LRRC4C: variants seen among roughly 807,000 people sequenced by gnomAD.
LRRC4C encodes the protein leucine rich repeat containing 4C.
Under a neutral mutation model 33.6 loss-of-function variants are expected in LRRC4C, and 5 were observed. That is an observed-to-expected ratio of 0.15 (90% CI 0.08 to 0.31). LRRC4C has a LOEUF of 0.31. LRRC4C is among the 10% of genes least tolerant of loss of function. The pLI, the probability that LRRC4C is intolerant of heterozygous loss-of-function variation, is 1.00. For missense variants in LRRC4C, 560 were observed against 796.7 expected, an observed-to-expected ratio of 0.70 and a Z score of 3.58; for synonymous variants, 329 against 302.0, an observed-to-expected ratio of 1.09 and a Z score of -0.93.
intron 1 of LRRC4C, among the ~76,000 whole-genome samples, chr11:41,407,512 G>A (rs1454588475): frequency 6.6e-6 from 1 of 151,978 alleles, no homozygotes; most frequent in Non-Finnish European, 1.5e-5. Context: ...ATGTTGCCTA[G>A]GCTGATCTTG....
chr11:41,258,118 C>A (rs1198022308), intron 1 of LRRC4C, among the ~76,000 whole-genome samples: 1 of 151,958 alleles, frequency 6.6e-6, no homozygotes, highest in Non-Finnish European at 1.5e-5. Flanking sequence ...GATTTCAACA[C>A]ATGGTGCTGA....
At chr11:40,536,319 A>G (rs7128175) in intron 3 of LRRC4C, among the ~76,000 whole-genome samples, 13,296 of 151,948 alleles carry the variant, frequency 0.088, 1,635 homozygotes, top group African/African-American at 0.28. Flanking sequence ...TCAGCCTCCC[A>G]AGTAGCTGGG....
At chr11:40,782,751 T>G (rs1293404106) in intron 2 of LRRC4C, among the ~76,000 whole-genome samples, 1 of 152,182 alleles carries the variant, frequency 6.6e-6, no homozygotes, top group Non-Finnish European at 1.5e-5. Context: ...TCATGAGATA[T>G]TACTCAAAAT....
At chr11:41,352,024 C>G (rs1337459160) in intron 1 of LRRC4C, among the ~76,000 whole-genome samples, 2 of 152,146 alleles carry the variant, frequency 1.3e-5, no homozygotes, top group East Asian at 3.9e-4. Context: ...TCCTCAGATA[C>G]CCACAATAAC....
At chr11:40,406,576 A>G (rs1002339702) in intron 3 of LRRC4C, among the ~76,000 whole-genome samples, 1 of 152,190 alleles carries the variant, frequency 6.6e-6, no homozygotes, top group Non-Finnish European at 1.5e-5. Flanking sequence ...AATACATTTT[A>G]AAAACAAATA....
intron 1 of LRRC4C, among the ~76,000 whole-genome samples, chr11:41,348,918 G>A (rs999208110): frequency 2.0e-5 from 3 of 152,188 alleles, no homozygotes; most frequent in African/African-American, 7.2e-5. Flanking sequence ...TCCAGTCTGC[G>A]TGGAGCCCAG....
chr11:40,365,373 C>T (rs1948161003), intron 3 of LRRC4C, among the ~76,000 whole-genome samples: 1 of 152,018 alleles, frequency 6.6e-6, no homozygotes, highest in Middle Eastern at 3.2e-3. Context: ...GCCAATTCTC[C>T]TCCTAACTAT....
At chr11:40,805,197 T>A (rs1210608139) in intron 2 of LRRC4C, among the ~76,000 whole-genome samples, 3 of 152,206 alleles carry the variant, frequency 2.0e-5, no homozygotes, top group East Asian at 1.9e-4. Flanking sequence ...AGAAAAAGGA[T>A]GTTTGCTGAG....
chr11:41,123,226 T>C (rs563094144), intron 1 of LRRC4C, among the ~76,000 whole-genome samples: 112 of 151,170 alleles, frequency 7.4e-4, no homozygotes, highest in African/African-American at 2.7e-3. Flanking sequence ...AACTCTGGAT[T>C]TTATAAATGC....
At chr11:40,249,804 T>C (rs552700156) in intron 4 of LRRC4C, among the ~76,000 whole-genome samples, 1 of 152,218 alleles carries the variant, frequency 6.6e-6, no homozygotes, top group African/African-American at 2.4e-5. Flanking sequence ...GTGATGCTTA[T>C]TTTACAATTT....
At chr11:40,519,564 T>G (rs1955719509) in intron 3 of LRRC4C, among the ~76,000 whole-genome samples, 1 of 152,170 alleles carries the variant, frequency 6.6e-6, no homozygotes, top group African/African-American at 2.4e-5. Flanking sequence ...TGCTCTGAAT[T>G]AGGCTTTGTC....
At chr11:40,586,875 T>C (rs1958778401) in intron 3 of LRRC4C, among the ~76,000 whole-genome samples, 1 of 152,342 alleles carries the variant, frequency 6.6e-6, no homozygotes, top group East Asian at 1.9e-4. Flanking sequence ...TTGGTTACTG[T>C]AGCCTTGTAG....
intron 3 of LRRC4C, among the ~76,000 whole-genome samples, chr11:40,631,811 G>A (rs181441853): frequency 1.0e-3 from 159 of 152,216 alleles, no homozygotes; most frequent in African/African-American, 3.7e-3. Context: ...TGCATGTAAG[G>A]CATATTTGTG....
At chr11:40,535,095 A>G (rs16934914) in intron 3 of LRRC4C, among the ~76,000 whole-genome samples, 27,711 of 152,180 alleles carry the variant, frequency 0.18, 3,135 homozygotes, top group African/African-American at 0.32. Flanking sequence ...AATTAGATGT[A>G]TAGGTAGCAG....
At chr11:40,442,737 C>T (rs1951452767) in intron 3 of LRRC4C, among the ~76,000 whole-genome samples, 1 of 152,152 alleles carries the variant, frequency 6.6e-6, no homozygotes, top group African/African-American at 2.4e-5. Flanking sequence ...AATTTCTATT[C>T]AGAACATTTG....
intron 1 of LRRC4C, among the ~76,000 whole-genome samples, chr11:41,403,947 A>AAC (rs10644408): frequency 0.079 from 12,031 of 152,076 alleles, 1,558 homozygotes; most frequent in African/African-American, 0.27. Context: ...TGAGCATGGG[A>AAC]ACACACACAC....
At chr11:40,185,921 C>G (rs1354434401) in intron 5 of LRRC4C, among the ~76,000 whole-genome samples, 1 of 152,120 alleles carries the variant, frequency 6.6e-6, no homozygotes, top group Non-Finnish European at 1.5e-5. Flanking sequence ...TCTTTCAGTT[C>G]CTTATTGTCC....
At position 41,218,329 on chromosome 11, in the gene LRRC4C, G is replaced by C. The variant is rs149716916; in HGVS notation, c.-496+241102C>G. Among the ~76,000 whole-genome samples, 170 of 152,210 alleles carry C rather than the reference G, an allele frequency of 1.1e-3. 1 individual carries two copies. The highest frequency in any genetic ancestry group is 4.0e-3 in the African/African-American group (165 of 41,528). On this transcript the variant is annotated intron_variant, in intron 1 of 6. Coordinates refer to ENST00000528697, the MANE Select transcript of LRRC4C (RefSeq NM_001258419.2). ...TGATCACATATCTATGGTTTACTGG[G>C]GAAAACTTTCCTGCTTTTTTACAAT...
chr11:40,929,018 A>G (rs971235528), intron 2 of LRRC4C, among the ~76,000 whole-genome samples: 1 of 152,180 alleles, frequency 6.6e-6, no homozygotes, highest in South Asian at 2.1e-4. Context: ...TTCCTCTAAT[A>G]CCAATATTAA....
Sources: gnomAD v4.1 joint callset for allele counts (sites outside exome capture counted in the v4.1 genomes callset) on GRCh38, gnomAD v4.1.1 for gene constraint, MANE v1.5 for transcripts, NCBI Gene and HGNC (gene_info 2026-07-23, HGNC 2026-07-21) for gene names.